The following CENPL variants were observed in gnomAD, a reference collection of about 807,000 sequenced individuals.
CENPL encodes the protein centromere protein L.
Under a neutral mutation model 35.2 loss-of-function variants are expected in CENPL, and 20 were observed. The observed-to-expected ratio is 0.57, with a 90% confidence interval of 0.40 to 0.83. The LOEUF (loss-of-function observed/expected upper bound fraction) is 0.83, where lower values mean the gene tolerates loss of function less well. Ranked by LOEUF, CENPL falls within the 40% of genes least tolerant of loss-of-function variation. The probability of loss-of-function intolerance (pLI) is 0.00; values close to 1 mark genes in which losing one functional copy is unlikely to be tolerated. For missense variants in CENPL, 363 were observed against 395.8 expected, an observed-to-expected ratio of 0.92 and a Z score of 0.70; for synonymous variants, 140 against 140.6, an observed-to-expected ratio of 1.00 and a Z score of 0.03.
chr1:173,820,127 G>A (rs910541208), intron 2 of CENPL, among the ~76,000 whole-genome samples: 8 of 152,010 alleles, frequency 5.3e-5, no homozygotes, highest in Non-Finnish European at 8.8e-5. Flanking sequence ...TATCACACTG[G>A]TCAAGCATCC....
At chr1:173,802,892 A>T in intron 5 of CENPL, 71 bp downstream of exon 5, 1 of 1,001,452 alleles carries the variant, frequency 1.0e-6, no homozygotes, top group Non-Finnish European at 1.5e-6. Flanking sequence ...TTGAGTGGAC[A>T]ATACAATCAT....
At position 173,824,369 on chromosome 1, in the gene CENPL, C is replaced by T. The variant is rs1455915130; in HGVS notation, c.-259G>A. The T allele has an allele frequency of 6.6e-6, 1 of 152,342 alleles. No homozygotes were observed. Among genetic ancestry groups the T allele is most frequent in the Non-Finnish European group, 1.5e-5 (1 of 68,114 alleles). The allele number at this position is 152,342 out of a possible 1,614,324, so 9.4% of individuals were successfully genotyped here. A position where few individuals can be genotyped will look rare whatever the true frequency, so the allele number is the denominator to read the frequency against. The stretch of plus-strand genomic sequence containing the variant: ...CGTTGAGAAAAGGGAATTCGGCCCT[C>T]CGCCGCCTCTTCAGTTTAAAATCGT... On this transcript the variant is annotated 5_prime_UTR_variant, in exon 1 of 6. Coordinates refer to ENST00000682279, the MANE Select transcript of CENPL (RefSeq NM_001387287.1).
chr1:173,803,340 T>C lies in CENPL; in HGVS notation c.586A>G (p.Ile196Val), dbSNP rs1188500701. 6.2e-7 allele frequency: 1 copy of C among 1,614,086 alleles called. No homozygotes were observed. Among genetic ancestry groups the C allele is most frequent in the African/African-American group, 1.3e-5 (1 of 75,050 alleles). ...ANGAESNTAIIGTWFQKTFDC... is the reference protein window; with the variant it reads ...ANGAESNTAIVGTWFQKTFDC... ...AAGGTTTTCTGAAACCAAGTTCCAA[T>C]TATTGCTGTGTTAGACTCTGCTCCA... The change falls in exon 5 of 6, where the codon ATT (isoleucine) becomes GTT (valine). Residue 196 changes from isoleucine to valine, a missense_variant. Coordinates refer to ENST00000682279, the MANE Select transcript of CENPL (RefSeq NM_001387287.1).
chr1:173,822,341 C>T (rs1652033715), intron 2 of CENPL: 1 of 152,094 alleles, frequency 6.6e-6, no homozygotes, highest in Non-Finnish European at 1.5e-5. Context: ...GGGCTTTTCT[C>T]CTCCTTACTT....
chr1:173,802,104 C>G (rs1649803356), intron 5 of CENPL, among the ~76,000 whole-genome samples: 1 of 151,880 alleles, frequency 6.6e-6, no homozygotes, highest in African/African-American at 2.4e-5. Flanking sequence ...GTCTGTTAAA[C>G]TCTTAGCACA....
chr1:173,823,819 G>T (rs926155238), intron 2 of CENPL, 107 bp downstream of exon 2: 1 of 152,090 alleles, frequency 6.6e-6, no homozygotes. Flanking sequence ...TGTTAAGCAC[G>T]TAGTGTTTAA....
rs546196075 is a variant in CENPL at position 173,814,517 on chromosome 1, G to A, written c.-7-3211C>T. Among the ~76,000 whole-genome samples the A allele has an allele frequency of 3.3e-5, 5 of 152,214 alleles. No individual in the cohort carries two copies. In the East Asian group the frequency reaches 9.6e-4, roughly 29 times the overall value. Reference sequence around the variant, plus strand: ...CACAGTACAATCAAATTAGAACTCAGGATTAAGAAACTCATTCAAAACCGC... The same window carrying A: ...CACAGTACAATCAAATTAGAACTCAAGATTAAGAAACTCATTCAAAACCGC... On this transcript the variant is annotated intron_variant, in intron 2 of 5. Transcript: ENST00000682279.
intron 5 of CENPL, among the ~76,000 whole-genome samples, chr1:173,801,514 G>T (rs1649747230): frequency 7.7e-6 from 1 of 130,322 alleles, no homozygotes; most frequent in Non-Finnish European, 1.6e-5. Flanking sequence ...ACTCCATCTC[G>T]AAGGAAAAAA....
chr1:173,820,274 A>C (rs1202513101), intron 2 of CENPL, among the ~76,000 whole-genome samples: 3 of 152,176 alleles, frequency 2.0e-5, no homozygotes, highest in African/African-American at 7.2e-5. Context: ...AATATGTTAG[A>C]CTAGGACACC....
At chr1:173,813,741 T>C (rs148781917) in intron 2 of CENPL, among the ~76,000 whole-genome samples, 2,002 of 152,228 alleles carry the variant, frequency 0.013, 51 homozygotes, top group African/African-American at 0.046. Flanking sequence ...GTAAAGATCA[T>C]CAATGCTAGG....
chr1:173,806,187 CA>C (rs1650209847), intron 4 of CENPL, among the ~76,000 whole-genome samples: 1 of 152,224 alleles, frequency 6.6e-6, no homozygotes, highest in African/African-American at 2.4e-5. Context: ...TCTATACAAA[CA>C]AAAAGTCAGT....
chr1:173,809,390 A>C lies in CENPL; in HGVS notation c.168+1742T>G, dbSNP rs1419254639. On this transcript the variant is annotated intron_variant, in intron 3 of 5. Transcript: ENST00000682279. ...GATCACCTGAGGTCAAGAGTTCCAG[A>C]CCAGCCTGGACAACAGGGTGAACCA... Among the ~76,000 whole-genome samples the C allele has an allele frequency of 2.6e-5, 4 of 151,942 alleles. No individual in the cohort carries two copies. The South Asian group carries it at 8.3e-4, about 32-fold the overall frequency.
intron 3 of CENPL, 125 bp from the exon 4 acceptor site, chr1:173,807,643 T>A: frequency 2.8e-6 from 2 of 720,132 alleles, no homozygotes; most frequent in Non-Finnish European, 4.3e-6. Context: ...TCCAACCAAA[T>A]GAGTTTGCAG....
intron 2 of CENPL, among the ~76,000 whole-genome samples, chr1:173,817,099 C>A (rs184408955): frequency 2.6e-5 from 4 of 152,002 alleles, no homozygotes; most frequent in Admixed American, 2.6e-4. Flanking sequence ...AATCGTGCCC[C>A]TGCACTCTAG....
Position 173,811,357 on chromosome 1 carries a change from A to G in CENPL, c.-7-51T>C. 4 of 1,263,208 alleles carry G rather than the reference A, an allele frequency of 3.2e-6. No homozygotes were observed. In the South Asian group the frequency reaches 4.0e-5, roughly 13 times the overall value. The allele number at this position is 1,263,208 out of a possible 1,614,324, so 78.2% of individuals were successfully genotyped here. On this transcript the variant is annotated intron_variant, in intron 2 of 5. Transcript: ENST00000682279. Reference sequence around the variant, plus strand: ...ATTCTAAGCACTAAAAAGTTAATTCATGCTTACAGTTTCACTGATTCCTCA... The same window carrying G: ...ATTCTAAGCACTAAAAAGTTAATTCGTGCTTACAGTTTCACTGATTCCTCA...
At chr1:173,817,363 T>C (rs1205901598) in intron 2 of CENPL, among the ~76,000 whole-genome samples, 1 of 152,172 alleles carries the variant, frequency 6.6e-6, no homozygotes, top group Non-Finnish European at 1.5e-5. Flanking sequence ...CAGACACTTT[T>C]CAAAAGAAGA....
chr1:173,815,178 A>T (rs1557847983), intron 2 of CENPL, among the ~76,000 whole-genome samples: 1 of 152,232 alleles, frequency 6.6e-6, no homozygotes, highest in African/African-American at 2.4e-5. Flanking sequence ...AGGCTCTGAA[A>T]CTGAGGCAAT....
chr1:173,805,309 G>A (rs1220955226), intron 4 of CENPL, among the ~76,000 whole-genome samples: 4 of 152,146 alleles, frequency 2.6e-5, no homozygotes, highest in Non-Finnish European at 5.9e-5. Context: ...ACGAGCTCAG[G>A]AGTTTGAGAC....
At chr1:173,823,148 T>C (rs920226119) in intron 2 of CENPL, 4 of 152,264 alleles carry the variant, frequency 2.6e-5, no homozygotes, top group Non-Finnish European at 5.9e-5. Context: ...CTTTCCCTAA[T>C]CCATCATCAG....
Sources: gnomAD v4.1 joint callset for allele counts (sites outside exome capture counted in the v4.1 genomes callset) on GRCh38, gnomAD v4.1.1 for gene constraint, MANE v1.5 for transcripts, NCBI Gene and HGNC (gene_info 2026-07-23, HGNC 2026-07-21) for gene names.